Variants in GALNT17 observed in about 807,000 individuals in gnomAD.
The protein encoded by GALNT17 is polypeptide N-acetylgalactosaminyltransferase 17, also known as UDP-GalNAc:polypeptide N-acetylgalactosaminyltransferase-like 3.
A neutral mutation model predicts 63.7 loss-of-function variants in GALNT17; 29 were observed. The observed-to-expected ratio is 0.46, with a 90% confidence interval of 0.34 to 0.62. The LOEUF (loss-of-function observed/expected upper bound fraction) is 0.62. Among genes scored for constraint, GALNT17 ranks in the 20% least tolerant of loss-of-function variants. GALNT17 has a pLI of 0.01. For missense variants in GALNT17, 603 were observed against 799.6 expected (o/e 0.75, Z 2.97); for synonymous variants, 305 against 318.3 (o/e 0.96, Z 0.45).
At chr7:71,260,522 ACTC>A (rs1469808740) in intron 1 of GALNT17, among the ~76,000 whole-genome samples, 1 of 149,760 alleles carries the variant, frequency 6.7e-6, no homozygotes, top group Non-Finnish European at 1.5e-5. Flanking sequence ...GAAATATTCT[ACTC>A]CTCCTCTTTT....
At chr7:71,287,681 A>G (rs34580684) in intron 1 of GALNT17, among the ~76,000 whole-genome samples, 19,263 of 152,156 alleles carry the variant, frequency 0.13, 1,371 homozygotes, top group African/African-American at 0.19. Flanking sequence ...ATTAACACAT[A>G]TTTCGTATGT....
At chr7:71,561,700 A>T (rs1163597174) in intron 5 of GALNT17, among the ~76,000 whole-genome samples, 2 of 152,182 alleles carry the variant, frequency 1.3e-5, no homozygotes, top group Non-Finnish European at 2.9e-5. Context: ...GCTGGGGTCT[A>T]AGAGAATGTC....
At chr7:71,296,714 A>C (rs6972584) in intron 1 of GALNT17, among the ~76,000 whole-genome samples, 81,472 of 150,944 alleles carry the variant, frequency 0.54, 22,406 homozygotes, top group East Asian at 0.83. Flanking sequence ...GAAAAAAAAA[A>C]CGTGTTTTTT....
intron 1 of GALNT17, among the ~76,000 whole-genome samples, chr7:71,300,169 G>T (rs1791168602): frequency 1.3e-5 from 2 of 152,160 alleles, no homozygotes; most frequent in South Asian, 4.1e-4. Context: ...TGACTGCCAT[G>T]TTCAATAAAA....
At chr7:71,385,995 A>T (rs895068923) in intron 2 of GALNT17, among the ~76,000 whole-genome samples, 1 of 152,180 alleles carries the variant, frequency 6.6e-6, no homozygotes, top group African/African-American at 2.4e-5. Flanking sequence ...TCAGGCCAGG[A>T]GTTCGAGACC....
chr7:71,654,607 G>A (rs1225252103), intron 6 of GALNT17, among the ~76,000 whole-genome samples: 3 of 152,170 alleles, frequency 2.0e-5, no homozygotes, highest in African/African-American at 7.2e-5. Flanking sequence ...GCAACAATGA[G>A]TAAATTCCCC....
intron 1 of GALNT17, among the ~76,000 whole-genome samples, chr7:71,328,132 C>T (rs539665454): frequency 6.6e-6 from 1 of 152,318 alleles, no homozygotes; most frequent in South Asian, 2.1e-4. Flanking sequence ...GGATGACTGA[C>T]CTTAATCTGT....
intron 1 of GALNT17, among the ~76,000 whole-genome samples, chr7:71,277,800 G>C (rs1054502320): frequency 3.3e-5 from 5 of 152,176 alleles, no homozygotes; most frequent in African/African-American, 9.7e-5. Context: ...TTTCACCCCA[G>C]TGCCCATCTG....
At chr7:71,387,419 G>A (rs977930878) in intron 2 of GALNT17, among the ~76,000 whole-genome samples, 2 of 151,438 alleles carry the variant, frequency 1.3e-5, no homozygotes, top group South Asian at 4.2e-4. Context: ...TTGACCTCCC[G>A]GGCTCAAGTG....
chr7:71,559,192 T>A (rs1326205390), intron 5 of GALNT17, among the ~76,000 whole-genome samples: 2 of 152,216 alleles, frequency 1.3e-5, no homozygotes, highest in Non-Finnish European at 2.9e-5. Flanking sequence ...TTTATATGTA[T>A]AGCAGAGGCA....
At chr7:71,262,683 T>C (rs1311959204) in intron 1 of GALNT17, among the ~76,000 whole-genome samples, 10 of 146,968 alleles carry the variant, frequency 6.8e-5, no homozygotes, top group Non-Finnish European at 9.0e-5. Flanking sequence ...TACTTTCTTT[T>C]TTTTTTTTTT....
intron 5 of GALNT17, among the ~76,000 whole-genome samples, chr7:71,543,981 C>T (rs7793440): frequency 0.72 from 108,602 of 151,382 alleles, 39,250 homozygotes; most frequent in Non-Finnish European, 0.75. Context: ...TTGGTAGAGA[C>T]GGAGTTTCAC....
intron 1 of GALNT17, among the ~76,000 whole-genome samples, chr7:71,299,799 T>C (rs1231099579): frequency 3.3e-5 from 5 of 151,896 alleles, no homozygotes; most frequent in African/African-American, 7.3e-5. Flanking sequence ...GGAGTCTTGC[T>C]CTGTTGCCCA....
chr7:71,447,249 C>G (rs1787177907), intron 5 of GALNT17, among the ~76,000 whole-genome samples: 1 of 152,262 alleles, frequency 6.6e-6, no homozygotes, highest in South Asian at 2.1e-4. Flanking sequence ...AACATGGCTA[C>G]AAATTTGGGG....
chr7:71,383,914 A>G (rs1031326574), intron 2 of GALNT17, among the ~76,000 whole-genome samples: 1 of 152,168 alleles, frequency 6.6e-6, no homozygotes, highest in Non-Finnish European at 1.5e-5. Flanking sequence ...CTCTATGAAC[A>G]TGCGGGTACA....
chr7:71,536,321 C>T (rs991574787), intron 5 of GALNT17, among the ~76,000 whole-genome samples: 1 of 152,176 alleles, frequency 6.6e-6, no homozygotes, highest in African/African-American at 2.4e-5. Context: ...ACCCTAGACA[C>T]AGCCATGGCC....
At chr7:71,549,802 G>T (rs990168587) in intron 5 of GALNT17, among the ~76,000 whole-genome samples, 2 of 151,916 alleles carry the variant, frequency 1.3e-5, no homozygotes, top group Non-Finnish European at 2.9e-5. Context: ...CTGTTTCATG[G>T]GTCTTCTGGG....
rs560468526 is a variant in GALNT17 at position 71,403,752 on chromosome 7, G to A, written c.590-12137G>A. Reference sequence around the variant, plus strand: ...TATTCCACTCCCGGCTGCCAAACGCGTTTAAAGAAAACTCGAGGAAGAAGT... The same window carrying A: ...TATTCCACTCCCGGCTGCCAAACGCATTTAAAGAAAACTCGAGGAAGAAGT... On this transcript the variant is annotated intron_variant, in intron 3 of 10. Coordinates refer to ENST00000333538, the MANE Select transcript of GALNT17 (RefSeq NM_022479.3). Among the ~76,000 whole-genome samples the A allele has an allele frequency of 2.6e-5, 4 of 152,256 alleles. No individual in the cohort carries two copies. The East Asian group carries it at 5.8e-4, about 22-fold the overall frequency.
intron 6 of GALNT17, among the ~76,000 whole-genome samples, chr7:71,572,515 A>AAC (rs1554310744): frequency 0.15 from 19,891 of 130,006 alleles, 2,375 homozygotes; most frequent in Non-Finnish European, 0.22. Context: ...AAAAAAAAAA[A>AAC]AAAAAAAAAA....
Sources: gnomAD v4.1 joint callset for allele counts (sites outside exome capture counted in the v4.1 genomes callset) on GRCh38, gnomAD v4.1.1 for gene constraint, MANE v1.5 for transcripts, NCBI Gene and HGNC (gene_info 2026-07-23, HGNC 2026-07-21) for gene names.